KCNQ1OT1: variants seen among roughly 807,000 people sequenced by gnomAD.
The protein encoded by KCNQ1OT1 is KCNQ1 opposite strand/antisense transcript 1.
At chr11:2,684,988 G>T (rs1850459390) in exon 1 of KCNQ1OT1, 1 of 398,540 alleles carries the variant, frequency 2.5e-6, no homozygotes, top group Admixed American at 4.4e-5. Flanking sequence ...TTACGGACTG[G>T]TTGCTTTTCA....
exon 1 of KCNQ1OT1, chr11:2,697,172 C>T (rs1850691500): frequency 5.0e-6 from 2 of 398,454 alleles, no homozygotes; most frequent in African/African-American, 4.1e-5. Flanking sequence ...TTGTATAGTT[C>T]TGCTTTAAAC....
In KCNQ1OT1 at chr11:2,623,453, C is replaced by G. The variant is rs1849208139; in HGVS notation, n.76542G>C. 2.5e-6 allele frequency: 1 copy of G among 398,616 alleles called. No homozygotes were observed. The highest frequency in any genetic ancestry group is 3.6e-5 in the East Asian group (1 of 28,084). The allele number at this position is 398,616 out of a possible 1,614,324, so 24.7% of individuals were successfully genotyped here. On this transcript the variant is annotated non_coding_transcript_exon_variant, in exon 1 of 1. Coordinates refer to ENST00000597346, the Ensembl canonical transcript of KCNQ1OT1. The surrounding 1 kb of genome is among the most constrained non-coding windows in gnomAD (Gnocchi z 5.2). Reference sequence around the variant, plus strand: ...CTTCTTCCCCAACAACCCTTGGCAACCACTGAACTTTTTACTGCCTCCATA... The same window carrying G: ...CTTCTTCCCCAACAACCCTTGGCAAGCACTGAACTTTTTACTGCCTCCATA...
exon 1 of KCNQ1OT1, chr11:2,667,531 A>G (rs1037194510): frequency 6.5e-6 from 2 of 305,822 alleles, no homozygotes; most frequent in African/African-American, 4.9e-5. Flanking sequence ...GGACTTCACA[A>G]CTGCACTGAT....
chr11:2,650,529 G>A (rs1027564686), exon 1 of KCNQ1OT1: 2 of 398,500 alleles, frequency 5.0e-6, no homozygotes, highest in African/African-American at 4.1e-5. Flanking sequence ...CCACATCAGT[G>A]GTATCTGCAA....
chr11:2,660,874 A>G (rs780451720), exon 1 of KCNQ1OT1: 6 of 398,550 alleles, frequency 1.5e-5, no homozygotes, highest in Non-Finnish European at 2.7e-5. Flanking sequence ...ATAAAGATGA[A>G]TATGGCATCA....
At chr11:2,634,650 G>A (rs1357009467) in exon 1 of KCNQ1OT1, 2 of 152,192 alleles carry the variant, frequency 1.3e-5, no homozygotes, top group Non-Finnish European at 2.9e-5. Flanking sequence ...ACGTGTGCAT[G>A]TGTCTTTATA....
chr11:2,618,233 CCCGGG>C, exon 1 of KCNQ1OT1: 2 of 398,450 alleles, frequency 5.0e-6, no homozygotes, highest in Non-Finnish European at 8.8e-6. Flanking sequence ...CTTTTGGCTT[CCCGGG>C]GCCACACTGT....
chr11:2,665,358 CA>C, exon 1 of KCNQ1OT1: 1 of 398,222 alleles, frequency 2.5e-6, no homozygotes, highest in Non-Finnish European at 4.4e-6. Flanking sequence ...AGTTGGGGAG[CA>C]CCCCCATGAC....
chr11:2,632,283 T>G, exon 1 of KCNQ1OT1: 1 of 398,550 alleles, frequency 2.5e-6, no homozygotes, highest in Non-Finnish European at 4.4e-6. Flanking sequence ...TGTGGTGAGT[T>G]TTCAGGGATT....
At position 2,661,732 on chromosome 11, in the gene KCNQ1OT1, A is replaced by G. The variant is rs1265753647; in HGVS notation, n.38263T>C. 12 of 618,154 alleles carry G rather than the reference A, an allele frequency of 1.9e-5. No individual in the cohort carries two copies. Among genetic ancestry groups the G allele is most frequent in the East Asian group, 1.1e-4 (4 of 36,586 alleles). 38.3% of individuals were successfully genotyped at this position (618,154 alleles called of 1,614,324 possible). ...CCCAGGCACAGTTACCACTCCGAAG[A>G]TGATTCACTGGCCTTTATTCTCCTC... On this transcript the variant is annotated non_coding_transcript_exon_variant, in exon 1 of 1. Transcript: ENST00000597346. The surrounding 1 kb of genome is among the most constrained non-coding windows in gnomAD (Gnocchi z 5.9).
chr11:2,627,375 T>C lies in KCNQ1OT1; in HGVS notation n.72620A>G, dbSNP rs1038923766. 5.0e-6 allele frequency: 2 copies of C among 398,384 alleles called. No individual in the cohort carries two copies. The highest frequency in any genetic ancestry group is 8.8e-6 in the Non-Finnish European group (2 of 226,030). 24.7% of individuals were successfully genotyped at this position (398,384 alleles called of 1,614,324 possible). ...AATTCCAAGTATAGAATATATTAAC[T>C]ATAGTCACCAATCTGGACGTTATGT... On this transcript the variant is annotated non_coding_transcript_exon_variant, in exon 1 of 1. Coordinates refer to ENST00000597346, the Ensembl canonical transcript of KCNQ1OT1. This position sits in a 1 kb window ranked among gnomAD's most constrained non-coding sequence, Gnocchi z 4.9.
chr11:2,680,152 A>G, exon 1 of KCNQ1OT1: 1 of 396,242 alleles, frequency 2.5e-6, no homozygotes, highest in African/African-American at 2.1e-5. Context: ...TCAGCCTCCT[A>G]AAGTGCTGGG....
chr11:2,671,534 T>G lies in KCNQ1OT1; in HGVS notation n.28461A>C, dbSNP rs1385000909. 2.3e-5 allele frequency: 9 copies of G among 398,516 alleles called. No individual in the cohort carries two copies. The highest frequency in any genetic ancestry group is 4.0e-5 in the Non-Finnish European group (9 of 226,094). 24.7% of individuals were successfully genotyped at this position (398,516 alleles called of 1,614,324 possible). The stretch of plus-strand genomic sequence containing the variant: ...TCAAGGGATTTTTCAAAGGTTAATT[T>G]TGACTCTGCCTGACTTATCTCCTAA... On this transcript the variant is annotated non_coding_transcript_exon_variant, in exon 1 of 1. Transcript: ENST00000597346. This position sits in a 1 kb window ranked among gnomAD's most constrained non-coding sequence, Gnocchi z 4.7.
Position 2,617,513 on chromosome 11 carries a change from A to C in KCNQ1OT1, n.82482T>G. 2.5e-6 allele frequency: 1 copy of C among 398,536 alleles called. No individual in the cohort carries two copies. Among genetic ancestry groups the C allele is most frequent in the Non-Finnish European group, 4.4e-6 (1 of 225,974 alleles). 24.7% of individuals were successfully genotyped at this position (398,536 alleles called of 1,614,324 possible). A position where few individuals can be genotyped will look rare whatever the true frequency, so the allele number is the denominator to read the frequency against. ...TATCGTGACTCATGCATATAATGCC[A>C]CAATGAATATAGGAGCGCAGATATC... is the stretch of plus-strand genomic sequence containing the variant. On this transcript the variant is annotated non_coding_transcript_exon_variant, in exon 1 of 1. Transcript: ENST00000597346. The surrounding 1 kb of genome is among the most constrained non-coding windows in gnomAD (Gnocchi z 4.6).
exon 1 of KCNQ1OT1, chr11:2,643,812 A>G (rs1286072780): frequency 1.0e-5 from 4 of 398,432 alleles, no homozygotes; most frequent in African/African-American, 8.2e-5. Flanking sequence ...TTTTACTTTT[A>G]AGGGAAATAC....
chr11:2,632,541 A>T (rs1463814361), exon 1 of KCNQ1OT1: 3 of 398,316 alleles, frequency 7.5e-6, no homozygotes, highest in Non-Finnish European at 1.3e-5. Flanking sequence ...TTTAGTCAAC[A>T]TGTAATAATT....
At chr11:2,692,124 C>T (rs1850598119) in exon 1 of KCNQ1OT1, 1 of 398,722 alleles carries the variant, frequency 2.5e-6, no homozygotes. Context: ...TTTTATAGCC[C>T]ACTCTACTGA....
At position 2,678,000 on chromosome 11, in the gene KCNQ1OT1, T is replaced by C. The variant is rs1328651312; in HGVS notation, n.21995A>G. On this transcript the variant is annotated non_coding_transcript_exon_variant, in exon 1 of 1. Transcript: ENST00000597346. This position sits in a 1 kb window ranked among gnomAD's most constrained non-coding sequence, Gnocchi z 4.5. ...TTTGTTGGAAATGAGGTTTTTATCT[T>C]TCCAAATGCTTAAAATCATTTGTTT... 7 of 377,130 alleles carry C rather than the reference T, an allele frequency of 1.9e-5. No individual in the cohort carries two copies. The highest frequency in any genetic ancestry group is 1.3e-3 in the Middle Eastern group (2 of 1,590). The allele number at this position is 377,130 out of a possible 1,614,324, so 23.4% of individuals were successfully genotyped here. A position where few individuals can be genotyped will look rare whatever the true frequency, so the allele number is the denominator to read the frequency against.
Position 2,658,357 on chromosome 11 carries a change from T to G in KCNQ1OT1, n.41638A>C. 2.5e-6 allele frequency: 1 copy of G among 398,600 alleles called. No homozygotes were observed. Among genetic ancestry groups the G allele is most frequent in the Non-Finnish European group, 4.4e-6 (1 of 226,040 alleles). 24.7% of individuals were successfully genotyped at this position (398,600 alleles called of 1,614,324 possible). ...GTTTATTTAATTTTATCAGTGTGGA[T>G]TTGGGAGTATTTATTTTTTGAGTTA... On this transcript the variant is annotated non_coding_transcript_exon_variant, in exon 1 of 1. Coordinates refer to ENST00000597346, the Ensembl canonical transcript of KCNQ1OT1. This position sits in a 1 kb window ranked among gnomAD's most constrained non-coding sequence, Gnocchi z 4.9.
Sources: gnomAD v4.1 joint callset for allele counts on GRCh38, gnomAD v4.1.1 for gene constraint, Gnocchi (gnomAD v3.1) non-coding constraint, MANE v1.5 for transcripts, NCBI Gene and HGNC (gene_info 2026-07-23, HGNC 2026-07-21) for gene names.